The following AGBL4 variants were observed in gnomAD, a reference collection of about 807,000 sequenced individuals.
AGBL4 encodes the protein cytosolic carboxypeptidase 6.
A neutral mutation model predicts 66.4 loss-of-function variants in AGBL4; 58 were observed. That is an observed-to-expected ratio of 0.87 (90% CI 0.71 to 1.09). The LOEUF is 1.09. Ranked by LOEUF, AGBL4 falls within the 50% of genes least tolerant of loss-of-function variation. The probability of loss-of-function intolerance (pLI) is 0.00; values close to 1 mark genes in which losing one functional copy is unlikely to be tolerated. For missense variants in AGBL4, 579 were observed against 631.0 expected, an observed-to-expected ratio of 0.92 and a Z score of 0.88; for synonymous variants, 234 against 222.9, an observed-to-expected ratio of 1.05 and a Z score of -0.44.
intron 3 of AGBL4, among the ~76,000 whole-genome samples, chr1:49,547,665 T>G (rs189801194): frequency 1.5e-4 from 23 of 152,348 alleles, no homozygotes; most frequent in Admixed American, 7.2e-4. Context: ...GTCTATGATT[T>G]CTTTCAGCAG....
intron 1 of AGBL4, among the ~76,000 whole-genome samples, chr1:49,855,156 C>A (rs1646401784): frequency 6.6e-6 from 1 of 152,008 alleles, no homozygotes; most frequent in Non-Finnish European, 1.5e-5. Context: ...TGAACTAACA[C>A]AAATACAAAC....
intron 6 of AGBL4, among the ~76,000 whole-genome samples, chr1:48,699,852 G>A (rs572645314): frequency 6.6e-6 from 1 of 152,026 alleles, no homozygotes; most frequent in Admixed American, 6.5e-5. Context: ...TTGTCTCAGG[G>A]TCTGCTCTGG....
intron 4 of AGBL4, among the ~76,000 whole-genome samples, chr1:49,181,671 C>CT (rs1422839789): frequency 6.6e-6 from 1 of 152,186 alleles, no homozygotes; most frequent in Non-Finnish European, 1.5e-5. Flanking sequence ...TCTCATCTCC[C>CT]TGGGAGCAAG....
rs373586062 is a variant in AGBL4, at chr1:49,620,686, C to T, written c.282+76627G>A. Among the ~76,000 whole-genome samples the T allele has an allele frequency of 1.1e-4, 17 of 152,132 alleles. No individual in the cohort carries two copies. The East Asian group carries it at 3.1e-3, about 28-fold the overall frequency. ...TTTCACACCTATATATGAGGAAAAT[C>T]GTAACTACCTATCACACAGTGCAAG... On this transcript the variant is annotated intron_variant, in intron 3 of 13. Transcript: ENST00000371839.
chr1:49,982,911 G>C (rs1659189246), intron 1 of AGBL4, among the ~76,000 whole-genome samples: 1 of 152,132 alleles, frequency 6.6e-6, no homozygotes, highest in African/African-American at 2.4e-5. Flanking sequence ...CTGCAGAGAA[G>C]AGTTACCCAC....
intron 3 of AGBL4, among the ~76,000 whole-genome samples, chr1:49,530,273 C>CAAAAAACAAAAAAAA (rs1651010862): frequency 8.9e-6 from 1 of 111,928 alleles, no homozygotes; most frequent in African/African-American, 3.6e-5. Context: ...AAAAAAAAAA[C>CAAAAAACAAAAAAAA]AAAAAAAAAC....
chr1:49,785,893 A>AAAATATAT (rs1407219283), intron 2 of AGBL4, among the ~76,000 whole-genome samples: 2 of 140,916 alleles, frequency 1.4e-5, no homozygotes, highest in African/African-American at 2.6e-5. Context: ...GGAAAAAAAA[A>AAAATATAT]ATATATATAT....
chr1:48,535,826 ACTTTT>A lies in AGBL4; in HGVS notation c.1365-915_1365-911del, dbSNP rs1327755091. Among the ~76,000 whole-genome samples, 3 of 151,966 alleles carry A rather than the reference ACTTTT, an allele frequency of 2.0e-5. No homozygotes were observed. In the East Asian group the frequency reaches 5.8e-4, roughly 30 times the overall value. Reference sequence around the variant, plus strand: ...GGAGAGGAACTTCTGCTTGGGTCTCACTTTTCTTTTCTTTAGTGTGAAGGGGTTGA... The same window carrying A: ...GGAGAGGAACTTCTGCTTGGGTCTCACTTTTCTTTAGTGTGAAGGGGTTGA... On this transcript the variant is annotated intron_variant, in intron 12 of 13. Transcript: ENST00000371839.
At chr1:49,283,295 C>G (rs1454674668) in intron 3 of AGBL4, among the ~76,000 whole-genome samples, 1 of 152,184 alleles carries the variant, frequency 6.6e-6, no homozygotes, top group Non-Finnish European at 1.5e-5. Context: ...TTCCAACAGA[C>G]TCGCAGCTGA....
At chr1:48,878,953 C>T (rs1289706680) in intron 5 of AGBL4, among the ~76,000 whole-genome samples, 1 of 152,098 alleles carries the variant, frequency 6.6e-6, no homozygotes, top group Non-Finnish European at 1.5e-5. Flanking sequence ...AAGCTCCATT[C>T]CACGCTGATT....
chr1:49,980,167 T>C (rs925218388), intron 1 of AGBL4, among the ~76,000 whole-genome samples: 9 of 152,104 alleles, frequency 5.9e-5, no homozygotes, highest in Non-Finnish European at 1.3e-4. Context: ...TACATGTGGA[T>C]TTTTGACTGT....
chr1:48,932,105 A>G (rs545584623), intron 5 of AGBL4, among the ~76,000 whole-genome samples: 2 of 152,294 alleles, frequency 1.3e-5, no homozygotes, highest in African/African-American at 4.8e-5. Flanking sequence ...GAATCCTGCC[A>G]GCACCAGAGG....
chr1:49,053,204 TA>T (rs1167871685), intron 4 of AGBL4, among the ~76,000 whole-genome samples: 2 of 152,090 alleles, frequency 1.3e-5, no homozygotes, highest in Admixed American at 6.6e-5. Flanking sequence ...CAAGTCAAGG[TA>T]GGGGGTCAAG....
intron 5 of AGBL4, among the ~76,000 whole-genome samples, chr1:48,920,562 C>G (rs1653992816): frequency 6.6e-6 from 1 of 152,138 alleles, no homozygotes; most frequent in Non-Finnish European, 1.5e-5. Flanking sequence ...TATTTACATA[C>G]ATGATCTTAA....
rs567625139 is a variant in AGBL4 at position 49,047,692 on chromosome 1, C to A, written c.378-1892G>T. The stretch of plus-strand genomic sequence containing the variant: ...AGAGGGCAATTGGGGTAGTAATGTC[C>A]TCCAAGAGGGTCAGGCCTCAGTTCA... On this transcript the variant is annotated intron_variant, in intron 4 of 13. Transcript: ENST00000371839. Among the ~76,000 whole-genome samples, 4 of 152,218 alleles carry A rather than the reference C, an allele frequency of 2.6e-5. No homozygotes were observed. The South Asian group carries it at 8.3e-4, about 32-fold the overall frequency.
At chr1:48,878,444 A>C (rs756641109) in intron 5 of AGBL4, among the ~76,000 whole-genome samples, 1 of 152,166 alleles carries the variant, frequency 6.6e-6, no homozygotes, top group Non-Finnish European at 1.5e-5. Flanking sequence ...AAGTCAGTTA[A>C]ATACTTTGAA....
chr1:48,586,954 C>A (rs769209281), intron 11 of AGBL4, 50 bp downstream of exon 11: 1 of 1,605,192 alleles, frequency 6.2e-7, no homozygotes, highest in South Asian at 1.1e-5. Context: ...GACTTGGATA[C>A]TCTCGGCTGG....
chr1:49,884,098 T>A (rs1487030566), intron 1 of AGBL4, among the ~76,000 whole-genome samples: 2 of 152,054 alleles, frequency 1.3e-5, no homozygotes, highest in South Asian at 4.1e-4. Context: ...TCACCCATAT[T>A]TTCAGATTCA....
chr1:49,993,591 C>T (rs921233688), intron 1 of AGBL4, among the ~76,000 whole-genome samples: 1 of 152,166 alleles, frequency 6.6e-6, no homozygotes, highest in African/African-American at 2.4e-5. Flanking sequence ...TGCTGCCCGG[C>T]CCTATGGCAG....
Sources: gnomAD v4.1 joint callset for allele counts (sites outside exome capture counted in the v4.1 genomes callset) on GRCh38, gnomAD v4.1.1 for gene constraint, MANE v1.5 for transcripts, NCBI Gene and HGNC (gene_info 2026-07-23, HGNC 2026-07-21) for gene names.